Variants in SGF29 observed in about 807,000 individuals in gnomAD.
The protein encoded by SGF29 is SAGA-associated factor 29.
Under a neutral mutation model 38.1 loss-of-function variants are expected in SGF29, and 15 were observed. That is an observed-to-expected ratio of 0.39 (90% confidence interval 0.26 to 0.61). The LOEUF is 0.61. Among genes scored for constraint, SGF29 ranks in the 20% least tolerant of loss-of-function variants. SGF29 has a pLI of 0.49. For missense variants in SGF29, 184 were observed against 394.6 expected, an observed-to-expected ratio of 0.47 and a Z score of 4.52; for synonymous variants, 151 against 160.8, an observed-to-expected ratio of 0.94 and a Z score of 0.46.
At chr16:28,567,949 G>C (rs965868541) in intron 1 of SGF29, among the ~76,000 whole-genome samples, 13 of 152,068 alleles carry the variant, frequency 8.5e-5, no homozygotes, top group African/African-American at 2.9e-4. Context: ...CTTGGGGAGT[G>C]CTCTGTTTGG....
rs776570788 is a variant in SGF29 at position 28,585,728 on chromosome 16, C to T, written c.224+8C>T. 26 of 1,613,094 alleles carry T rather than the reference C, an allele frequency of 1.6e-5. 1 individual carries two copies. The South Asian group carries it at 2.6e-4, about 16-fold the overall frequency. On this transcript the variant is annotated splice_region_variant and intron_variant, in intron 4 of 9. Transcript: ENST00000317058. ...TGCAGAGGCTGAGTGCAAGTGAGTACCGTGCACCCACTTCATCGCCGCTCC... is the reference window on the plus strand; with the variant it reads ...TGCAGAGGCTGAGTGCAAGTGAGTATCGTGCACCCACTTCATCGCCGCTCC...
chr16:28,576,548 A>G (rs1168756369), intron 1 of SGF29, among the ~76,000 whole-genome samples: 1 of 151,974 alleles, frequency 6.6e-6, no homozygotes, highest in Non-Finnish European at 1.5e-5. Flanking sequence ...TAAAAATACA[A>G]AAAGTAGCCA....
chr16:28,567,369 C>T (rs949064878), intron 1 of SGF29, among the ~76,000 whole-genome samples: 1 of 152,084 alleles, frequency 6.6e-6, no homozygotes, highest in South Asian at 2.1e-4. Flanking sequence ...CACCAGATGC[C>T]GAATCTGCTG....
chr16:28,555,026 CTG>C (rs1161633119), intron 1 of SGF29, among the ~76,000 whole-genome samples: 1 of 152,202 alleles, frequency 6.6e-6, no homozygotes, highest in Non-Finnish European at 1.5e-5. Flanking sequence ...GACACGTTCT[CTG>C]TTGCTCAGAC....
At chr16:28,587,456 C>T (rs1431645582) in intron 4 of SGF29, among the ~76,000 whole-genome samples, 4 of 152,218 alleles carry the variant, frequency 2.6e-5, no homozygotes, top group East Asian at 1.9e-4. Flanking sequence ...TCTGGGGTCC[C>T]GGTGCTCACA....
intron 9 of SGF29, 129 bp from the exon 10 acceptor site, chr16:28,591,461 G>T: frequency 1.4e-6 from 1 of 715,382 alleles, no homozygotes; most frequent in Non-Finnish European, 2.5e-6. Context: ...CTTGACCCCA[G>T]AGTGAAGGAT....
At chr16:28,567,276 C>T (rs2046840659) in intron 1 of SGF29, among the ~76,000 whole-genome samples, 1 of 152,120 alleles carries the variant, frequency 6.6e-6, no homozygotes, top group African/African-American at 2.4e-5. Flanking sequence ...TAACAAAATA[C>T]CTTAGGCTGG....
intron 1 of SGF29, among the ~76,000 whole-genome samples, chr16:28,562,391 G>C (rs745813611): frequency 6.6e-6 from 1 of 152,046 alleles, no homozygotes; most frequent in Non-Finnish European, 1.5e-5. Context: ...CCCCCTCCTT[G>C]GACTATTCCT....
At chr16:28,587,009 C>T (rs1047966620) in intron 4 of SGF29, among the ~76,000 whole-genome samples, 6 of 151,966 alleles carry the variant, frequency 3.9e-5, no homozygotes, top group Admixed American at 3.3e-4. Context: ...CACCACTCCA[C>T]CTAATTTTTG....
At chr16:28,565,903 G>A (rs1367938602) in intron 1 of SGF29, among the ~76,000 whole-genome samples, 1 of 152,108 alleles carries the variant, frequency 6.6e-6, no homozygotes, top group East Asian at 1.9e-4. Context: ...TATCCTCAAA[G>A]ACTGGACAAA....
chr16:28,585,515 T>C (rs2046951519), intron 3 of SGF29, 133 bp from the exon 4 acceptor site: 1 of 807,104 alleles, frequency 1.2e-6, no homozygotes, highest in Admixed American at 2.0e-5. Flanking sequence ...GGAGCACTCC[T>C]GAGCCAGCAG....
intron 1 of SGF29, among the ~76,000 whole-genome samples, chr16:28,559,259 G>T (rs924868388): frequency 6.6e-6 from 1 of 152,174 alleles, no homozygotes; most frequent in Non-Finnish European, 1.5e-5. Flanking sequence ...AGTCAAGGCT[G>T]CAGTGAGCTG....
intron 1 of SGF29, among the ~76,000 whole-genome samples, chr16:28,579,257 C>CTTT (rs570774951): frequency 1.5e-4 from 20 of 134,794 alleles, no homozygotes; most frequent in South Asian, 4.8e-4. Context: ...TTCTAATTAT[C>CTTT]TTTTTTTTTT....
In SGF29 at chr16:28,581,049, C is replaced by T. The variant is rs757550895; in HGVS notation, c.-15-6C>T. On this transcript the variant is annotated splice_region_variant and splice_polypyrimidine_tract_variant and intron_variant, in intron 1 of 9. Transcript: ENST00000317058. ...GAGTTCTCTTCTGTCCTCGCTCCCC[C>T]ACCAGGTGCCCCTGTAGACAATGGC... 7 of 1,610,432 alleles carry T rather than the reference C, an allele frequency of 4.3e-6. No homozygotes were observed. The highest frequency in any genetic ancestry group is 2.7e-5 in the African/African-American group (2 of 74,848).
At chr16:28,570,200 C>G (rs1000866832) in intron 1 of SGF29, among the ~76,000 whole-genome samples, 5 of 152,238 alleles carry the variant, frequency 3.3e-5, no homozygotes, top group African/African-American at 1.2e-4. Context: ...ATGGGCTGTG[C>G]CCAGCAAACC....
chr16:28,562,534 C>G (rs1197739862), intron 1 of SGF29, among the ~76,000 whole-genome samples: 3 of 152,046 alleles, frequency 2.0e-5, no homozygotes, highest in Admixed American at 1.3e-4. Flanking sequence ...CAAGTAAGGT[C>G]TGACAAATGG....
intron 1 of SGF29, among the ~76,000 whole-genome samples, chr16:28,569,893 C>G (rs2046854851): frequency 6.6e-6 from 1 of 152,150 alleles, no homozygotes; most frequent in Non-Finnish European, 1.5e-5. Context: ...TCCTTGGCAG[C>G]CCGAGGTAGT....
At chr16:28,577,698 C>T (rs2046903018) in intron 1 of SGF29, among the ~76,000 whole-genome samples, 1 of 152,184 alleles carries the variant, frequency 6.6e-6, no homozygotes, top group African/African-American at 2.4e-5. Context: ...GTAGTTTTGA[C>T]TTGCATTTCC....
intron 1 of SGF29, among the ~76,000 whole-genome samples, chr16:28,558,414 G>T (rs1258359754): frequency 6.6e-6 from 1 of 151,254 alleles, no homozygotes; most frequent in Non-Finnish European, 1.5e-5. Flanking sequence ...ACGCCTGGCT[G>T]CACACCTGGG....
Sources: allele counts gnomAD v4.1 joint callset (sites outside exome capture counted in the v4.1 genomes callset), GRCh38; gene constraint gnomAD v4.1.1; transcripts MANE v1.5; gene names NCBI Gene and HGNC (gene_info 2026-07-23, HGNC 2026-07-21).